PPIL6: variants seen among roughly 807,000 people sequenced by gnomAD.
PPIL6 encodes the protein probable inactive peptidyl-prolyl cis-trans isomerase-like 6.
In PPIL6, 39 loss-of-function variants were observed where a neutral mutation model predicts 36.8. That is an observed-to-expected ratio of 1.06 (90% CI 0.82 to 1.38). The LOEUF is 1.38. PPIL6 is among the 40% of genes most tolerant of loss of function. The pLI, the probability that PPIL6 is intolerant of heterozygous loss-of-function variation, is 0.00. For synonymous variants in PPIL6, 123 were observed against 134.1 expected (o/e 0.92, Z 0.57); for missense variants, 368 against 379.1 (o/e 0.97, Z 0.24).
At position 109,414,039 on chromosome 6, in the gene PPIL6, C is replaced by A. The variant is rs563862279; in HGVS notation, c.688+5148G>T. 1.7e-3 allele frequency among the ~76,000 whole-genome samples: 262 copies of A among 152,130 alleles called. 2 individuals are homozygous for A. The highest frequency in any genetic ancestry group is 2.7e-3 in the Non-Finnish European group (186 of 68,006). On this transcript the variant is annotated intron_variant, in intron 6 of 7. Coordinates refer to ENST00000521072, the MANE Select transcript of PPIL6 (RefSeq NM_173672.5). ...AAAAAAAAAGAAAAAATGAGTAAGA[C>A]CTCGTATTTGATAGAACAAGAGGGC...
Position 109,402,997 on chromosome 6 carries a change from GTC to G in PPIL6, c.689-2829_689-2828del, listed in dbSNP as rs778236849. On this transcript the variant is annotated intron_variant, in intron 6 of 7. Transcript: ENST00000521072. The stretch of plus-strand genomic sequence containing the variant: ...TTTACGTGTTATTTTGTTCTGCCGT[GTC>G]TCTCTGACTCACTCTTTAATCGTCT... 10 of 1,384,820 alleles carry G rather than the reference GTC, an allele frequency of 7.2e-6. No homozygotes were observed. In the South Asian group the frequency reaches 7.9e-5, roughly 11 times the overall value. The allele number at this position is 1,384,820 out of a possible 1,614,324, so 85.8% of individuals were successfully genotyped here.
Position 109,426,847 on chromosome 6 carries a change from C to A in PPIL6, c.631G>T (p.Asp211Tyr). The A allele has an allele frequency of 6.7e-7, 1 of 1,500,894 alleles. No homozygotes were observed. Among genetic ancestry groups the A allele is most frequent in the South Asian group, 1.4e-5 (1 of 72,028 alleles). 93.0% of individuals were successfully genotyped at this position (1,500,894 alleles called of 1,614,324 possible). A position where few individuals can be genotyped will look rare whatever the true frequency, so the allele number is the denominator to read the frequency against. The change falls in exon 5 of 8, where the codon GAT becomes TAT. Residue 211 changes from aspartate to tyrosine, a missense_variant and splice_region_variant. Physicochemically the swap from Asp to Tyr is radical, Grantham distance 160. Transcript: ENST00000521072. Reference protein sequence around the residue: ...IVQNGWIQGGDIVYGKGDNGE... With the variant: ...IVQNGWIQGGYIVYGKGDNGE... ...CTCGTATTTAAGATTTTAAACTTAC[C>A]CCCTCCTTGTATCCAGCCATTCTGT...
chr6:109,434,061 G>A (rs1418171914), intron 2 of PPIL6, among the ~76,000 whole-genome samples: 1 of 152,128 alleles, frequency 6.6e-6, no homozygotes, highest in Non-Finnish European at 1.5e-5. Flanking sequence ...TCCTGTGGGT[G>A]GAGAGCATGA....
chr6:109,426,789 A>G (rs767464029), intron 5 of PPIL6, 58 bp downstream of exon 5: 58 of 1,184,960 alleles, frequency 4.9e-5, no homozygotes, highest in Non-Finnish European at 6.4e-5. Context: ...GATAAATGAA[A>G]GTTTGGACCT....
intron 6 of PPIL6, among the ~76,000 whole-genome samples, chr6:109,400,549 T>C (rs577961295): frequency 6.6e-6 from 1 of 152,320 alleles, no homozygotes; most frequent in Non-Finnish European, 1.5e-5. Context: ...AAACACCTCC[T>C]CTGAGAAGTC....
At chr6:109,395,748 G>C (rs1772273709) in intron 7 of PPIL6, among the ~76,000 whole-genome samples, 1 of 151,738 alleles carries the variant, frequency 6.6e-6, no homozygotes, top group African/African-American at 2.4e-5. Flanking sequence ...GGGATTACAG[G>C]CATCTGCCAC....
chr6:109,427,610 C>T (rs976504612), intron 3 of PPIL6, among the ~76,000 whole-genome samples: 2 of 152,178 alleles, frequency 1.3e-5, no homozygotes, highest in Non-Finnish European at 2.9e-5. Context: ...TGGTCTCGAA[C>T]TCCTGAGCTC....
intron 5 of PPIL6, among the ~76,000 whole-genome samples, chr6:109,424,164 G>A (rs530684027): frequency 5.3e-5 from 8 of 152,218 alleles, no homozygotes; most frequent in South Asian, 2.1e-4. Context: ...AGGGTGGTCC[G>A]GTAAGGCCTT....
At chr6:109,427,820 T>C (rs568051232) in intron 3 of PPIL6, among the ~76,000 whole-genome samples, 1 of 152,330 alleles carries the variant, frequency 6.6e-6, no homozygotes, top group African/African-American at 2.4e-5. Context: ...ACACCTAGTG[T>C]GGGGAAGAAA....
In PPIL6 at chr6:109,392,715, T is replaced by C; in HGVS notation, c.*111A>G. ...TGGGTGTAGATGAGGCAACCTACAG[T>C]GTCTGCCACGGCTTTCAAATTACAA... is the stretch of plus-strand genomic sequence containing the variant. On this transcript the variant is annotated 3_prime_UTR_variant, in exon 8 of 8. Transcript: ENST00000521072. 1 of 676,586 alleles carries C rather than the reference T, an allele frequency of 1.5e-6. No individual in the cohort carries two copies. The allele number at this position is 676,586 out of a possible 1,614,324, so 41.9% of individuals were successfully genotyped here.
rs186643028 is a variant in PPIL6 at position 109,414,211 on chromosome 6, T to C, written c.688+4976A>G. On this transcript the variant is annotated intron_variant, in intron 6 of 7. Transcript: ENST00000521072. ...CTTGCCTGTACCAAAATATCTCAGG[T>C]ACCTCATAAAGATACACACCTACTA... Among the ~76,000 whole-genome samples the C allele has an allele frequency of 3.3e-3, 495 of 152,280 alleles. 3 individuals carry two copies. The highest frequency in any genetic ancestry group is 0.011 in the African/African-American group (462 of 41,550).
chr6:109,433,587 G>A (rs1304459968), intron 2 of PPIL6, among the ~76,000 whole-genome samples: 1 of 152,158 alleles, frequency 6.6e-6, no homozygotes, highest in Non-Finnish European at 1.5e-5. Flanking sequence ...GCCTTCTTTG[G>A]AGCAGAGAGA....
At chr6:109,427,206 A>T in intron 3 of PPIL6, 50 bp from the exon 4 acceptor site, 1 of 1,398,616 alleles carries the variant, frequency 7.1e-7, no homozygotes, top group South Asian at 1.3e-5. Context: ...TCTTACAAGA[A>T]AGTTTTCAGA....
chr6:109,395,614 T>C, intron 7 of PPIL6, among the ~76,000 whole-genome samples: 1 of 149,622 alleles, frequency 6.7e-6, no homozygotes, highest in Non-Finnish European at 1.5e-5. Flanking sequence ...CTTCTTTTTT[T>C]TTTTTTTTTT....
intron 6 of PPIL6, among the ~76,000 whole-genome samples, 180 bp downstream of exon 6, chr6:109,419,007 G>A (rs1189255918): frequency 6.6e-6 from 1 of 152,096 alleles, no homozygotes; most frequent in Non-Finnish European, 1.5e-5. Context: ...AAATATGTGT[G>A]TATGAAGCTG....
intron 1 of PPIL6, among the ~76,000 whole-genome samples, chr6:109,438,045 T>C (rs1027665954): frequency 2.0e-5 from 3 of 152,186 alleles, no homozygotes; most frequent in African/African-American, 7.2e-5. Context: ...TGTGTTTGGT[T>C]TTTACATTTT....
chr6:109,440,858 C>T (rs1452258717), upstream of PPIL6: 1 of 525,232 alleles, frequency 1.9e-6, no homozygotes, highest in Non-Finnish European at 3.3e-6. Context: ...TAGCGCGCGG[C>T]CCTTACCGAG....
chr6:109,437,808 G>C (rs1295367726), intron 1 of PPIL6, among the ~76,000 whole-genome samples: 1 of 152,036 alleles, frequency 6.6e-6, no homozygotes, highest in South Asian at 2.1e-4. Flanking sequence ...GACCTTAGGC[G>C]ATCTGCCTGC....
intron 5 of PPIL6, among the ~76,000 whole-genome samples, chr6:109,425,355 A>T (rs574190015): frequency 3.4e-4 from 51 of 152,226 alleles, no homozygotes; most frequent in Non-Finnish European, 6.2e-4. Flanking sequence ...TTTTACTTTA[A>T]ATAAATAAAA....
Sources: allele counts gnomAD v4.1 joint callset (sites outside exome capture counted in the v4.1 genomes callset), GRCh38; gene constraint gnomAD v4.1.1; transcripts MANE v1.5; gene names NCBI Gene and HGNC (gene_info 2026-07-23, HGNC 2026-07-21).